Variants in TNFSF4 observed in about 807,000 individuals in gnomAD.
The protein encoded by TNFSF4 is TNF superfamily member 4.
Under a neutral mutation model 7.3 loss-of-function variants are expected in TNFSF4, and 4 were observed. The ratio of observed to expected loss-of-function variants is 0.55; its 90% confidence interval spans 0.27 to 1.25. The LOEUF is 1.25. TNFSF4 is among the 50% of genes most tolerant of loss of function. The pLI is 0.12. For missense variants in TNFSF4, 181 were observed against 208.8 expected, an observed-to-expected ratio of 0.87 and a Z score of 0.82; for synonymous variants, 76 against 83.7, an observed-to-expected ratio of 0.91 and a Z score of 0.50.
the TNFSF4 span, among the ~76,000 whole-genome samples, chr1:173,426,962 T>G: frequency 6.6e-6 from 1 of 152,126 alleles, no homozygotes; most frequent in Admixed American, 6.5e-5. Context: ...TGCTATACTG[T>G]AGGCTCTGAA....
the TNFSF4 span, among the ~76,000 whole-genome samples, chr1:173,332,406 T>C: frequency 1.3e-5 from 2 of 152,116 alleles, no homozygotes; most frequent in African/African-American, 2.4e-5. Flanking sequence ...TCCAAATGGA[T>C]TGAACATGTA....
chr1:173,265,700 GA>G, the TNFSF4 span, among the ~76,000 whole-genome samples: 1 of 152,114 alleles, frequency 6.6e-6, no homozygotes, highest in Admixed American at 6.6e-5. Context: ...AAGGACAGCT[GA>G]AATCCAACCA....
At chr1:173,223,509 GA>G in the TNFSF4 span, among the ~76,000 whole-genome samples, 5,689 of 152,028 alleles carry the variant, frequency 0.037, 167 homozygotes, top group Non-Finnish European at 0.058. Flanking sequence ...AAAGTCCCAA[GA>G]ATAAAAATAG....
the TNFSF4 span, among the ~76,000 whole-genome samples, chr1:173,221,151 G>A: frequency 6.6e-6 from 1 of 152,140 alleles, no homozygotes; most frequent in Admixed American, 6.5e-5. Flanking sequence ...AAAAGAAAGT[G>A]GCTACAGCAG....
the TNFSF4 span, among the ~76,000 whole-genome samples, chr1:173,319,811 C>T: frequency 2.0e-5 from 3 of 152,178 alleles, no homozygotes; most frequent in African/African-American, 7.2e-5. Flanking sequence ...AACAGCAACA[C>T]CAACAAAGAA....
the TNFSF4 span, among the ~76,000 whole-genome samples, chr1:173,448,172 A>G: frequency 6.6e-6 from 1 of 152,230 alleles, no homozygotes; most frequent in East Asian, 1.9e-4. Context: ...CCATAGTTGG[A>G]GACTTTGACT....
At chr1:173,418,117 T>A in the TNFSF4 span, 1 of 152,382 alleles carries the variant, frequency 6.6e-6, no homozygotes, top group South Asian at 2.1e-4. Flanking sequence ...GTCCATTGAT[T>A]GCCATGCCAG....
chr1:173,424,127 C>T, the TNFSF4 span, among the ~76,000 whole-genome samples: 3 of 152,192 alleles, frequency 2.0e-5, no homozygotes, highest in South Asian at 2.1e-4. Flanking sequence ...TTAGGCCTGT[C>T]GTCTTAATAC....
the TNFSF4 span, among the ~76,000 whole-genome samples, chr1:173,282,040 G>C: frequency 6.6e-6 from 1 of 152,094 alleles, no homozygotes; most frequent in East Asian, 1.9e-4. Context: ...ACCAGAAACT[G>C]GGAAGCATGG....
chr1:173,326,849 T>G, the TNFSF4 span, among the ~76,000 whole-genome samples: 1 of 152,106 alleles, frequency 6.6e-6, no homozygotes, highest in Non-Finnish European at 1.5e-5. Flanking sequence ...TACAAACCAC[T>G]GCTCAATGAA....
the TNFSF4 span, among the ~76,000 whole-genome samples, chr1:173,308,353 T>G: frequency 6.6e-6 from 1 of 151,298 alleles, no homozygotes; most frequent in Non-Finnish European, 1.5e-5. Context: ...TTTTCCCCTG[T>G]GTCAAGGTCT....
chr1:173,328,360 CG>C, the TNFSF4 span, among the ~76,000 whole-genome samples: 7 of 76,520 alleles, frequency 9.1e-5, no homozygotes, highest in Admixed American at 8.0e-4. Context: ...GTTGTGGGGT[CG>C]GGGGAGGGGG....
the TNFSF4 span, among the ~76,000 whole-genome samples, chr1:173,378,894 C>A: frequency 6.7e-6 from 1 of 149,248 alleles, no homozygotes; most frequent in South Asian, 2.2e-4. Context: ...CCACCACAGG[C>A]TATCATTTTT....
the TNFSF4 span, among the ~76,000 whole-genome samples, chr1:173,176,111 G>C: frequency 6.6e-6 from 1 of 152,128 alleles, no homozygotes; most frequent in Non-Finnish European, 1.5e-5. Context: ...TTGTGGACAG[G>C]TAATTAGTAG....
At chr1:173,411,192 T>A in the TNFSF4 span, among the ~76,000 whole-genome samples, 2 of 152,160 alleles carry the variant, frequency 1.3e-5, no homozygotes, top group East Asian at 3.9e-4. Flanking sequence ...TGCTTCTATC[T>A]TCAGCCTGAG....
the TNFSF4 span, among the ~76,000 whole-genome samples, chr1:173,322,884 C>G: frequency 1.3e-5 from 2 of 152,200 alleles, no homozygotes; most frequent in Non-Finnish European, 2.9e-5. Context: ...AACAAAGCGG[C>G]AGGGAAGCTC....
chr1:173,343,379 G>A, the TNFSF4 span, among the ~76,000 whole-genome samples: 2 of 152,108 alleles, frequency 1.3e-5, no homozygotes, highest in African/African-American at 4.8e-5. Context: ...GCAGATATCT[G>A]CGAAACCATT....
At chr1:173,245,694 C>T in the TNFSF4 span, among the ~76,000 whole-genome samples, 1 of 152,186 alleles carries the variant, frequency 6.6e-6, no homozygotes, top group Non-Finnish European at 1.5e-5. Flanking sequence ...CCTATTCCTT[C>T]TATCTAACTG....
the TNFSF4 span, among the ~76,000 whole-genome samples, chr1:173,426,030 C>T: frequency 2.0e-5 from 3 of 152,200 alleles, no homozygotes; most frequent in Non-Finnish European, 4.4e-5. Context: ...GTGCATGGAG[C>T]ATCACAGGAA....
Sources: allele counts gnomAD v4.1 joint callset (sites outside exome capture counted in the v4.1 genomes callset), GRCh38; gene constraint gnomAD v4.1.1; transcripts MANE v1.5; gene names NCBI Gene and HGNC (gene_info 2026-07-23, HGNC 2026-07-21).